The following PRKCB variants were observed in gnomAD, a reference collection of about 807,000 sequenced individuals.
The protein encoded by PRKCB is protein kinase C beta.
PRKCB carries 13 observed loss-of-function variants against 81.5 expected under a neutral mutation model. That is an observed-to-expected ratio of 0.16 (90% CI 0.10 to 0.25). The LOEUF (loss-of-function observed/expected upper bound fraction) is 0.25, where lower values mean the gene tolerates loss of function less well. Ranked by LOEUF, PRKCB falls within the 10% of genes least tolerant of loss-of-function variation. The probability of loss-of-function intolerance (pLI) is 1.00; values close to 1 mark genes in which losing one functional copy is unlikely to be tolerated. For synonymous variants in PRKCB, 335 were observed against 321.4 expected (o/e 1.04, Z -0.45); for missense variants, 509 against 875.7 (o/e 0.58, Z 5.29).
At chr16:23,876,379 G>T (rs1963014175) in intron 2 of PRKCB, among the ~76,000 whole-genome samples, 2 of 152,136 alleles carry the variant, frequency 1.3e-5, no homozygotes, top group African/African-American at 4.8e-5. Context: ...ATTCCCAAAA[G>T]ACTATCACAG....
intron 2 of PRKCB, among the ~76,000 whole-genome samples, chr16:23,933,176 G>A (rs561186845): frequency 3.3e-4 from 51 of 152,282 alleles, no homozygotes; most frequent in African/African-American, 1.2e-3. Flanking sequence ...GACCCAGTTT[G>A]GGTCATGTAG....
intron 16 of PRKCB, among the ~76,000 whole-genome samples, chr16:24,212,949 G>A (rs1596602392): frequency 6.6e-6 from 1 of 151,820 alleles, no homozygotes; most frequent in East Asian, 1.9e-4. Context: ...TTGTCTTCCC[G>A]CTGGCCCCTT....
Position 24,093,022 on chromosome 16 carries a change from C to A in PRKCB, c.686+75C>A, listed in dbSNP as rs916562354. The A allele has an allele frequency of 5.5e-6, 8 of 1,457,062 alleles. No individual in the cohort carries two copies. In the African/African-American group the frequency reaches 1.1e-4, roughly 20 times the overall value. The allele number at this position is 1,457,062 out of a possible 1,614,324, so 90.3% of individuals were successfully genotyped here. A position where few individuals can be genotyped will look rare whatever the true frequency, so the allele number is the denominator to read the frequency against. ...TGCCACCTGAAATCAGGGAGTTCCT[C>A]CTCCCTTAGCTCCTGTTTCCTTCCT... On this transcript the variant is annotated intron_variant, in intron 6 of 16. Coordinates refer to ENST00000643927, the MANE Select transcript of PRKCB (RefSeq NM_002738.7).
Position 23,930,638 on chromosome 16 carries a change from T to G in PRKCB, c.206-57870T>G, listed in dbSNP as rs185314264. Among the ~76,000 whole-genome samples, 18 of 152,220 alleles carry G rather than the reference T, an allele frequency of 1.2e-4. 1 individual carries two copies. The highest frequency in any genetic ancestry group is 1.1e-3 in the Admixed American group (17 of 15,294). ...TATCTGGAGATTCTAGGAAAGAAAT[T>G]AAATTCAGCTTTCAATGTCTGTCTT... On this transcript the variant is annotated intron_variant, in intron 2 of 16. Coordinates refer to ENST00000643927, the MANE Select transcript of PRKCB (RefSeq NM_002738.7).
chr16:24,179,443 C>T (rs1042939295), intron 12 of PRKCB, among the ~76,000 whole-genome samples: 3 of 152,224 alleles, frequency 2.0e-5, no homozygotes, highest in Non-Finnish European at 4.4e-5. Context: ...ATAGATCCCC[C>T]TACCTCTCAG....
chr16:24,053,462 C>A (rs1366165538), intron 5 of PRKCB, among the ~76,000 whole-genome samples: 1 of 152,186 alleles, frequency 6.6e-6, no homozygotes, highest in African/African-American at 2.4e-5. Context: ...AGGCAGGAGG[C>A]TGGATTTGGC....
At chr16:24,000,249 A>G (rs978348339) in intron 3 of PRKCB, among the ~76,000 whole-genome samples, 3 of 152,238 alleles carry the variant, frequency 2.0e-5, no homozygotes, top group African/African-American at 7.2e-5. Flanking sequence ...ACTGGACTTT[A>G]TAAAAATCTG....
chr16:23,917,193 C>T (rs1452848242), intron 2 of PRKCB, among the ~76,000 whole-genome samples: 1 of 152,188 alleles, frequency 6.6e-6, no homozygotes, highest in Non-Finnish European at 1.5e-5. Context: ...TGTGATTCTT[C>T]CACCTCAGTT....
intron 2 of PRKCB, among the ~76,000 whole-genome samples, chr16:23,882,059 TCC>T: frequency 9.9e-6 from 1 of 100,630 alleles, no homozygotes; most frequent in African/African-American, 3.5e-5. Context: ...CCTTCCTTCT[TCC>T]TTTCCTTTCT....
intron 2 of PRKCB, among the ~76,000 whole-genome samples, chr16:23,936,340 T>C (rs951709053): frequency 6.6e-6 from 1 of 152,156 alleles, no homozygotes; most frequent in African/African-American, 2.4e-5. Flanking sequence ...TTACTTCCCC[T>C]GTCCACCCCA....
At chr16:24,067,906 A>G (rs13329813) in intron 5 of PRKCB, among the ~76,000 whole-genome samples, 2,415 of 150,908 alleles carry the variant, frequency 0.016, 68 homozygotes, top group African/African-American at 0.055. Flanking sequence ...GGCGGAGGTT[A>G]CAGTGAGCCT....
At chr16:24,056,142 T>G (rs531607707) in intron 5 of PRKCB, among the ~76,000 whole-genome samples, 2 of 152,282 alleles carry the variant, frequency 1.3e-5, no homozygotes, top group Non-Finnish European at 2.9e-5. Context: ...CTTTCAGCCT[T>G]GCAGTAAGTG....
intron 10 of PRKCB, among the ~76,000 whole-genome samples, chr16:24,166,976 C>T (rs776314312): frequency 3.3e-5 from 5 of 151,940 alleles, no homozygotes; most frequent in Non-Finnish European, 7.4e-5. Context: ...GGGGGCAAGC[C>T]GAGTTCTTCC....
intron 7 of PRKCB, among the ~76,000 whole-genome samples, chr16:24,100,470 T>C (rs1329128180): frequency 1.3e-5 from 2 of 152,164 alleles, no homozygotes; most frequent in African/African-American, 4.8e-5. Flanking sequence ...AGGCCACTGC[T>C]GGGCCTGGTT....
chr16:23,924,667 A>G (rs1443913929), intron 2 of PRKCB, among the ~76,000 whole-genome samples: 2 of 152,106 alleles, frequency 1.3e-5, no homozygotes, highest in Non-Finnish European at 2.9e-5. Flanking sequence ...CCTAAAATTC[A>G]AAGGCTCCAC....
At chr16:23,933,455 T>C (rs923551021) in intron 2 of PRKCB, among the ~76,000 whole-genome samples, 1 of 152,208 alleles carries the variant, frequency 6.6e-6, no homozygotes, top group Non-Finnish European at 1.5e-5. Context: ...GATTCTTAAT[T>C]GATACAGTTA....
intron 2 of PRKCB, among the ~76,000 whole-genome samples, chr16:23,912,073 C>A (rs1419789530): frequency 6.6e-6 from 1 of 151,940 alleles, no homozygotes; most frequent in Non-Finnish European, 1.5e-5. Context: ...CTCAGGTGAT[C>A]CACCCACCTC....
chr16:23,837,286 C>A, intron 1 of PRKCB, 89 bp from the exon 2 acceptor site: 2 of 1,528,522 alleles, frequency 1.3e-6, no homozygotes, highest in Non-Finnish European at 1.8e-6. Flanking sequence ...GGTACAGAGG[C>A]AGGGAGGAAG....
At chr16:23,919,538 A>G (rs915020623) in intron 2 of PRKCB, among the ~76,000 whole-genome samples, 1 of 152,230 alleles carries the variant, frequency 6.6e-6, no homozygotes, top group Non-Finnish European at 1.5e-5. Context: ...GTACACAAGC[A>G]ACATGCTATC....
Sources: allele counts gnomAD v4.1 joint callset (sites outside exome capture counted in the v4.1 genomes callset), GRCh38; gene constraint gnomAD v4.1.1; transcripts MANE v1.5; gene names NCBI Gene and HGNC (gene_info 2026-07-23, HGNC 2026-07-21).